Variants in FGF12 observed in about 807,000 individuals in gnomAD.
The protein encoded by FGF12 is fibroblast growth factor 12.
Under a neutral mutation model 23.6 loss-of-function variants are expected in FGF12, and 14 were observed. The ratio of observed to expected loss-of-function variants is 0.59; its 90% CI spans 0.39 to 0.93. FGF12 has a LOEUF of 0.93. FGF12 is among the 40% of genes least tolerant of loss of function. FGF12 has a pLI of 0.00. For missense variants in FGF12, 175 were observed against 217.8 expected (o/e 0.80, Z 1.24); for synonymous variants, 62 against 77.3 (o/e 0.80, Z 1.04).
At chr3:192,467,032 CTCT>C (rs1475963656) in intron 2 of FGF12, among the ~76,000 whole-genome samples, 2 of 152,048 alleles carry the variant, frequency 1.3e-5, no homozygotes, top group African/African-American at 4.8e-5. Context: ...TAGATAATGG[CTCT>C]TCTTATTTAT....
chr3:192,425,958 G>A (rs530694001), intron 2 of FGF12, among the ~76,000 whole-genome samples: 1 of 152,278 alleles, frequency 6.6e-6, no homozygotes, highest in East Asian at 1.9e-4. Context: ...GATATAAATA[G>A]CACTTGAGAC....
intron 2 of FGF12, among the ~76,000 whole-genome samples, chr3:192,674,150 C>A (rs1717236159): frequency 1.4e-5 from 2 of 140,056 alleles, no homozygotes; most frequent in Non-Finnish European, 3.3e-5. Context: ...CTAGAACAAC[C>A]CATGGGGTAG....
intron 3 of FGF12, among the ~76,000 whole-genome samples, chr3:192,356,204 G>A (rs944622878): frequency 2.6e-5 from 4 of 152,050 alleles, no homozygotes; most frequent in African/African-American, 9.7e-5. Context: ...CACACCAAGG[G>A]GGTTTTCTTG....
intron 2 of FGF12, among the ~76,000 whole-genome samples, chr3:192,629,531 G>T (rs1715306395): frequency 1.3e-5 from 2 of 152,230 alleles, no homozygotes; most frequent in South Asian, 4.1e-4. Flanking sequence ...ACAGATTCTA[G>T]ATTGGACTTT....
intron 4 of FGF12, among the ~76,000 whole-genome samples, chr3:192,214,705 T>C (rs1188797680): frequency 6.6e-6 from 1 of 152,226 alleles, no homozygotes; most frequent in African/African-American, 2.4e-5. Context: ...AAATGCCAAC[T>C]CATAAGCATT....
intron 4 of FGF12, among the ~76,000 whole-genome samples, chr3:192,221,062 T>C (rs527815808): frequency 2.0e-5 from 3 of 152,342 alleles, no homozygotes; most frequent in African/African-American, 7.2e-5. Flanking sequence ...GGAAGAGTAC[T>C]GGTAACAAGA....
intron 2 of FGF12, among the ~76,000 whole-genome samples, chr3:192,694,993 A>C (rs1035790556): frequency 5.3e-5 from 8 of 152,002 alleles, no homozygotes; most frequent in Non-Finnish European, 1.0e-4. Flanking sequence ...ATATACTAAA[A>C]ATTTGCTAGG....
intron 5 of FGF12, among the ~76,000 whole-genome samples, chr3:192,160,020 C>T (rs745591323): frequency 1.3e-5 from 2 of 151,808 alleles, no homozygotes; most frequent in Non-Finnish European, 2.9e-5. Context: ...CCCAGTTCAT[C>T]ATGCCTAACA....
At chr3:192,298,564 C>T (rs1222706685) in intron 4 of FGF12, among the ~76,000 whole-genome samples, 2 of 152,058 alleles carry the variant, frequency 1.3e-5, no homozygotes, top group African/African-American at 4.8e-5. Flanking sequence ...ACCAGCCGGG[C>T]CAAAATGGTG....
chr3:192,409,914 G>A lies in FGF12; in HGVS notation c.14-49376C>T, dbSNP rs1159172708. ...CTTGCGGGGCGCCCCCCGCCGCCGC[G>A]CCGCCGCCTCCCCAGGCCCGGGAGG... On this transcript the variant is annotated intron_variant, in intron 2 of 5. Transcript: ENST00000445105. The surrounding 1 kb of genome is among the most constrained non-coding windows in gnomAD (Gnocchi z 4.8). 6.6e-6 allele frequency among the ~76,000 whole-genome samples: 1 copy of A among 151,904 alleles called. No homozygotes were observed. The highest frequency in any genetic ancestry group is 1.5e-5 in the Non-Finnish European group (1 of 67,944).
chr3:192,455,502 G>A (rs1401602327), intron 2 of FGF12, among the ~76,000 whole-genome samples: 6 of 152,142 alleles, frequency 3.9e-5, no homozygotes, highest in African/African-American at 1.4e-4. Flanking sequence ...ACAGAGAGAT[G>A]GTCAGGGCTG....
In FGF12 at chr3:192,139,730, CGTCT is replaced by C. The variant is rs1713263756; in HGVS notation, c.*4275_*4278del. 6.6e-6 allele frequency: 1 copy of C among 150,752 alleles called. No individual in the cohort carries two copies. Among genetic ancestry groups the C allele is most frequent in the South Asian group, 2.1e-4 (1 of 4,806 alleles). The allele number at this position is 150,752 out of a possible 1,614,324, so 9.3% of individuals were successfully genotyped here. A position where few individuals can be genotyped will look rare whatever the true frequency, so the allele number is the denominator to read the frequency against. Reference sequence around the variant, plus strand: ...AAATATTCTTATTTTTTTTTGCTTCCGTCTGTTACTAAAGCTCAATACATCATTC... The same window carrying C: ...AAATATTCTTATTTTTTTTTGCTTCCGTTACTAAAGCTCAATACATCATTC... On this transcript the variant is annotated 3_prime_UTR_variant, in exon 6 of 6. Coordinates refer to ENST00000445105, the MANE Select transcript of FGF12 (RefSeq NM_004113.6).
intron 4 of FGF12, among the ~76,000 whole-genome samples, chr3:192,175,059 A>G (rs986312709): frequency 6.6e-6 from 1 of 152,212 alleles, no homozygotes; most frequent in Non-Finnish European, 1.5e-5. Context: ...CAGGTTACAA[A>G]TATATAGACA....
chr3:192,283,102 T>G (rs1714245566), intron 4 of FGF12: 3 of 152,064 alleles, frequency 2.0e-5, no homozygotes, highest in African/African-American at 7.2e-5. Context: ...TGAAAAATAA[T>G]GTAAAGGTAC....
At chr3:192,293,356 T>G (rs989471741) in intron 4 of FGF12, among the ~76,000 whole-genome samples, 7 of 152,200 alleles carry the variant, frequency 4.6e-5, no homozygotes, top group Non-Finnish European at 8.8e-5. Flanking sequence ...ATGAAGTGTA[T>G]GTATCTGGAG....
chr3:192,621,018 G>A (rs373953533), intron 2 of FGF12, among the ~76,000 whole-genome samples: 1 of 152,020 alleles, frequency 6.6e-6, no homozygotes, highest in South Asian at 2.1e-4. Context: ...GTAAATTAAG[G>A]GAATATAATT....
rs745909969 is a variant in FGF12 at position 192,336,298 on chromosome 3, G to A, written c.125-834C>T. ...ACATGCTTGCAGTCTTTACATATTC[G>A]AGTTGCTCATCACTCAAAATACTCA... On this transcript the variant is annotated intron_variant, in intron 3 of 5. Coordinates refer to ENST00000445105, the MANE Select transcript of FGF12 (RefSeq NM_004113.6). The surrounding 1 kb of genome is among the most constrained non-coding windows in gnomAD (Gnocchi z 4.3). Among the ~76,000 whole-genome samples the A allele has an allele frequency of 3.3e-5, 5 of 151,912 alleles. No homozygotes were observed. The highest frequency in any genetic ancestry group is 1.9e-4 in the East Asian group (1 of 5,170).
At chr3:192,170,744 A>G (rs1206826938) in intron 4 of FGF12, 88 bp from the exon 5 acceptor site, 1 of 1,130,238 alleles carries the variant, frequency 8.8e-7, no homozygotes, top group East Asian at 2.4e-5. Context: ...CTTGAAATCC[A>G]TGTCCTCTGT....
intron 4 of FGF12, among the ~76,000 whole-genome samples, chr3:192,334,123 C>T (rs78049491): frequency 0.016 from 2,493 of 152,094 alleles, 63 homozygotes; most frequent in African/African-American, 0.052. Context: ...TAATTGTTTT[C>T]TTCTTTGGCA....
Sources: gnomAD v4.1 joint callset for allele counts (sites outside exome capture counted in the v4.1 genomes callset) on GRCh38, gnomAD v4.1.1 for gene constraint, Gnocchi (gnomAD v3.1) non-coding constraint, MANE v1.5 for transcripts, NCBI Gene and HGNC (gene_info 2026-07-23, HGNC 2026-07-21) for gene names.